The following UNC5D variants were observed in gnomAD, a reference collection of about 807,000 sequenced individuals.
The protein encoded by UNC5D is netrin receptor UNC5D.
Under a neutral mutation model 105.4 loss-of-function variants are expected in UNC5D, and 39 were observed. The observed-to-expected ratio is 0.37, with a 90% CI of 0.29 to 0.48. The LOEUF is 0.48. Among genes scored for constraint, UNC5D ranks in the 20% least tolerant of loss-of-function variants. UNC5D has a pLI of 0.98. For missense variants in UNC5D, 991 were observed against 1,202.4 expected (o/e 0.82, Z 2.60); for synonymous variants, 452 against 450.4 (o/e 1.00, Z -0.04).
At chr8:35,626,303 T>A (rs1563605824) in intron 4 of UNC5D, among the ~76,000 whole-genome samples, 1 of 152,130 alleles carries the variant, frequency 6.6e-6, no homozygotes, top group Non-Finnish European at 1.5e-5. Context: ...AAAATCATAG[T>A]CAAAATATCC....
chr8:35,411,558 A>G (rs1585780244), intron 1 of UNC5D, among the ~76,000 whole-genome samples: 1 of 152,086 alleles, frequency 6.6e-6, no homozygotes, highest in East Asian at 1.9e-4. Context: ...GAATTGAATG[A>G]AAGATGAAAT....
chr8:35,367,483 T>A (rs1028659007), intron 1 of UNC5D, among the ~76,000 whole-genome samples: 2 of 152,190 alleles, frequency 1.3e-5, no homozygotes, highest in Non-Finnish European at 2.9e-5. Context: ...ACTAGTGTGT[T>A]GATGGCAGAT....
chr8:35,694,696 A>AGTGT (rs3077800), intron 7 of UNC5D, among the ~76,000 whole-genome samples: 5,594 of 149,728 alleles, frequency 0.037, 215 homozygotes, highest in Admixed American at 0.1. Flanking sequence ...CAATAACTAT[A>AGTGT]GTGTGTGTGT....
chr8:35,536,932 G>A (rs929927247), intron 1 of UNC5D, among the ~76,000 whole-genome samples: 12 of 152,160 alleles, frequency 7.9e-5, no homozygotes, highest in Non-Finnish European at 1.8e-4. Context: ...GGAGGCGAAG[G>A]TTGCAATGAG....
At chr8:35,659,616 G>A (rs1039767319) in intron 4 of UNC5D, among the ~76,000 whole-genome samples, 16 of 152,172 alleles carry the variant, frequency 1.1e-4, no homozygotes, top group African/African-American at 2.9e-4. Context: ...ACGTATGTGC[G>A]CATGCACACC....
chr8:35,343,318 T>C lies in UNC5D; in HGVS notation c.103+107431T>C, dbSNP rs553931399. On this transcript the variant is annotated intron_variant, in intron 1 of 16. Transcript: ENST00000404895. ...ACCTGTGTATTTTTAGGTCTTGTTC[T>C]TGTTGCTTGAGAAAAACGTTAGAGG... Among the ~76,000 whole-genome samples the C allele has an allele frequency of 9.9e-5, 15 of 152,236 alleles. 1 individual carries two copies. In the South Asian group the frequency reaches 2.5e-3, roughly 25 times the overall value.
chr8:35,621,914 A>C (rs1355555022), intron 4 of UNC5D, among the ~76,000 whole-genome samples: 1 of 152,150 alleles, frequency 6.6e-6, no homozygotes, highest in African/African-American at 2.4e-5. Flanking sequence ...AAGACAAGAG[A>C]CCTGTGTTCT....
At chr8:35,261,189 A>C (rs936929746) in intron 1 of UNC5D, among the ~76,000 whole-genome samples, 1 of 152,176 alleles carries the variant, frequency 6.6e-6, no homozygotes, top group Admixed American at 6.5e-5. Context: ...GGCCGCTTAA[A>C]ATTCATGCAC....
At chr8:35,338,307 T>G (rs985604453) in intron 1 of UNC5D, among the ~76,000 whole-genome samples, 1 of 152,152 alleles carries the variant, frequency 6.6e-6, no homozygotes, top group Non-Finnish European at 1.5e-5. Context: ...TCTTTTATGT[T>G]GAACAACTAA....
chr8:35,394,087 C>A (rs896293659), intron 1 of UNC5D, among the ~76,000 whole-genome samples: 23 of 151,582 alleles, frequency 1.5e-4, no homozygotes, highest in African/African-American at 5.6e-4. Context: ...ACGTGTATTT[C>A]AGGCAAACCA....
intron 1 of UNC5D, among the ~76,000 whole-genome samples, chr8:35,373,075 A>C (rs1802513538): frequency 6.6e-6 from 1 of 152,162 alleles, no homozygotes; most frequent in Admixed American, 6.6e-5. Context: ...ATTCCCATGC[A>C]TTGGCTAACT....
chr8:35,561,091 G>A (rs1236474204), intron 2 of UNC5D, among the ~76,000 whole-genome samples: 2 of 152,166 alleles, frequency 1.3e-5, no homozygotes, highest in African/African-American at 2.4e-5. Flanking sequence ...GCTCTGCCCA[G>A]GGCTGGCTAA....
At chr8:35,523,884 GC>G (rs1450870723) in intron 1 of UNC5D, among the ~76,000 whole-genome samples, 6 of 45,324 alleles carry the variant, frequency 1.3e-4, no homozygotes, top group Middle Eastern at 0.011. Context: ...GGCAATGGGT[GC>G]CAATTTTAGC....
intron 1 of UNC5D, among the ~76,000 whole-genome samples, chr8:35,306,091 G>GAAA (rs1808393502): frequency 6.6e-6 from 1 of 151,912 alleles, no homozygotes; most frequent in African/African-American, 2.4e-5. Context: ...ATAGCTAAGT[G>GAAA]TTTTGTTCTT....
At chr8:35,428,523 C>T (rs1453706182) in intron 1 of UNC5D, among the ~76,000 whole-genome samples, 1 of 151,816 alleles carries the variant, frequency 6.6e-6, no homozygotes, top group Admixed American at 6.6e-5. Flanking sequence ...GATTGTGCTC[C>T]TCCTTGGCTC....
intron 1 of UNC5D, chr8:35,525,849 G>T: frequency 7.6e-7 from 1 of 1,316,052 alleles, no homozygotes; most frequent in Non-Finnish European, 1.0e-6. Flanking sequence ...AAGGCATTTA[G>T]TCATAGTAAA....
intron 4 of UNC5D, among the ~76,000 whole-genome samples, chr8:35,637,753 A>G (rs1420080499): frequency 1.3e-5 from 2 of 152,196 alleles, no homozygotes; most frequent in Non-Finnish European, 2.9e-5. Context: ...AAAAGGAAAA[A>G]TAAAATGGGG....
At chr8:35,502,992 A>T (rs1487036391) in intron 1 of UNC5D, among the ~76,000 whole-genome samples, 1 of 152,228 alleles carries the variant, frequency 6.6e-6, no homozygotes, top group Non-Finnish European at 1.5e-5. Flanking sequence ...CAGGAGCATG[A>T]ATATCACTTT....
At chr8:35,615,230 T>A (rs1243175769) in intron 4 of UNC5D, among the ~76,000 whole-genome samples, 1 of 152,114 alleles carries the variant, frequency 6.6e-6, no homozygotes, top group Non-Finnish European at 1.5e-5. Context: ...AGAGATAACA[T>A]TACAAAGCTT....
Sources: gnomAD v4.1 joint callset for allele counts (sites outside exome capture counted in the v4.1 genomes callset) on GRCh38, gnomAD v4.1.1 for gene constraint, MANE v1.5 for transcripts, NCBI Gene and HGNC (gene_info 2026-07-23, HGNC 2026-07-21) for gene names.